PPP1CC: variants seen among roughly 807,000 people sequenced by gnomAD.
PPP1CC encodes the protein serine/threonine-protein phosphatase PP1-gamma catalytic subunit.
A neutral mutation model predicts 38.4 loss-of-function variants in PPP1CC; 16 were observed. The observed-to-expected ratio is 0.42, with a 90% confidence interval of 0.28 to 0.63. The LOEUF is 0.63. PPP1CC is among the 30% of genes least tolerant of loss of function. The pLI is 0.25. For missense variants in PPP1CC, 170 were observed against 391.3 expected (o/e 0.43, Z 4.77); for synonymous variants, 158 against 136.0 (o/e 1.16, Z -1.13).
At chr12:110,739,364 GT>G (rs1248254497) in intron 1 of PPP1CC, among the ~76,000 whole-genome samples, 16 of 141,872 alleles carry the variant, frequency 1.1e-4, no homozygotes, top group Admixed American at 3.5e-4. Context: ...GATTACTTTT[GT>G]TTTTTTTTTT....
In PPP1CC at chr12:110,722,116, T is replaced by C. The variant is rs915011337; in HGVS notation, c.882+19A>G. 4 of 1,612,806 alleles carry C rather than the reference T, an allele frequency of 2.5e-6. No individual in the cohort carries two copies. The highest frequency in any genetic ancestry group is 3.4e-6 in the Non-Finnish European group (4 of 1,179,430). ...GTGTAAACATATTAAAAGGAAATCA[T>C]GTTGAAAGCATGCTCTACCTGAAAA... On this transcript the variant is annotated intron_variant, in intron 6 of 6. Coordinates refer to ENST00000335007, the MANE Select transcript of PPP1CC (RefSeq NM_002710.4). The surrounding 1 kb of genome is among the most constrained non-coding windows in gnomAD (Gnocchi z 5.4).
Position 110,742,814 on chromosome 12 carries a change from G to C in PPP1CC, c.-107C>G. On this transcript the variant is annotated 5_prime_UTR_variant, in exon 1 of 7. Coordinates refer to ENST00000335007, the MANE Select transcript of PPP1CC (RefSeq NM_002710.4). ...AGCAGAGGCGGTGGTGGCGGCGGTG[G>C]CAGCAGCCGCGGCGGGTCCCCCCCC... The C allele has an allele frequency of 1.1e-6, 1 of 940,004 alleles. No homozygotes were observed. The highest frequency in any genetic ancestry group is 1.4e-6 in the Non-Finnish European group (1 of 702,554). 58.2% of individuals were successfully genotyped at this position (940,004 alleles called of 1,614,324 possible).
At chr12:110,708,706 G>A in the PPP1CC span, among the ~76,000 whole-genome samples, 5 of 152,066 alleles carry the variant, frequency 3.3e-5, no homozygotes, top group South Asian at 2.1e-4. Flanking sequence ...AAAATTAGCC[G>A]GGCATGGTGG....
At chr12:110,740,261 G>GA (rs36126725) in intron 1 of PPP1CC, among the ~76,000 whole-genome samples, 10 of 151,388 alleles carry the variant, frequency 6.6e-5, no homozygotes, top group East Asian at 3.9e-4. Context: ...CTTATTTAGG[G>GA]AAAAAAAAGG....
chr12:110,735,341 G>C (rs1259231863), intron 1 of PPP1CC, among the ~76,000 whole-genome samples: 2 of 152,118 alleles, frequency 1.3e-5, no homozygotes, highest in Admixed American at 6.5e-5. Flanking sequence ...TCCTGTCAAC[G>C]ATCCTAGGAA....
In PPP1CC at chr12:110,730,521, G is replaced by C. The variant is rs778530669; in HGVS notation, c.418+8C>G. On this transcript the variant is annotated splice_region_variant and intron_variant, in intron 3 of 6. Transcript: ENST00000335007. ...ATAACTCTTCCTTAGATATAGAAAA[G>C]TACTTACATTCATCATAAAATCCAT... 6.4e-5 allele frequency: 100 copies of C among 1,571,372 alleles called. No homozygotes were observed. Among genetic ancestry groups the C allele is most frequent in the Non-Finnish European group, 7.7e-5 (89 of 1,148,590 alleles).
chr12:110,728,025 T>C (rs943066927), intron 3 of PPP1CC, among the ~76,000 whole-genome samples: 1 of 152,144 alleles, frequency 6.6e-6, no homozygotes, highest in African/African-American at 2.4e-5. Flanking sequence ...GTCACAAAAA[T>C]GAGGTCAACT....
At position 110,722,264 on chromosome 12, in the gene PPP1CC, A is replaced by C. The variant is rs1414220059; in HGVS notation, c.753T>G (p.Val251=). ...LDLICRAHQV[V]EDGYEFFAKR... is the part of the protein sequence containing the mutation. ...TTGCAAAAAATTCATATCCATCTTC[A>C]ACCACCTTGAAGAGAAAATTTTTTC... The change falls in exon 6 of 7, where the codon GTT becomes GTG. Residue 251 remains valine, a synonymous_variant. Transcript: ENST00000335007. This position sits in a 1 kb window ranked among gnomAD's most constrained non-coding sequence, Gnocchi z 5.4. The C allele has an allele frequency of 6.2e-7, 1 of 1,613,898 alleles. No homozygotes were observed. Among genetic ancestry groups the C allele is most frequent in the Non-Finnish European group, 8.5e-7 (1 of 1,179,938 alleles).
intron 1 of PPP1CC, 24 bp downstream of exon 1, chr12:110,742,629 T>C: frequency 7.0e-7 from 1 of 1,425,932 alleles, no homozygotes; most frequent in Non-Finnish European, 9.3e-7. Flanking sequence ...GCCTCCCCCT[T>C]CAGCCGCCCG....
At chr12:110,717,279 T>C (rs898370795), downstream of PPP1CC, among the ~76,000 whole-genome samples, 1 of 152,186 alleles carries the variant, frequency 6.6e-6, no homozygotes, top group Non-Finnish European at 1.5e-5. Context: ...TACATCTGAT[T>C]TGCAGGACTG....
chr12:110,723,790 T>G (rs992309992), intron 4 of PPP1CC, among the ~76,000 whole-genome samples: 2 of 152,058 alleles, frequency 1.3e-5, no homozygotes, highest in Admixed American at 1.3e-4. Context: ...GAATTACAGA[T>G]GCGAGCCACT....
intron 3 of PPP1CC, among the ~76,000 whole-genome samples, chr12:110,729,182 A>G (rs1386146723): frequency 7.5e-6 from 1 of 132,538 alleles, no homozygotes; most frequent in Non-Finnish European, 1.6e-5. Flanking sequence ...CTGAACTGAT[A>G]TTTTCAAAGC....
At chr12:110,724,925 G>A (rs2069779469) in intron 3 of PPP1CC, 161 bp from the exon 4 acceptor site, 1 of 425,440 alleles carries the variant, frequency 2.4e-6, no homozygotes, top group Admixed American at 3.8e-5. Context: ...CTTATTTTAA[G>A]GCTCTTTTAA....
chr12:110,738,716 A>G (rs549497344), intron 1 of PPP1CC, among the ~76,000 whole-genome samples: 29 of 152,312 alleles, frequency 1.9e-4, no homozygotes, highest in African/African-American at 7.0e-4. Context: ...CATCCCCCGC[A>G]AGCACAACGT....
At chr12:110,718,262 T>C (rs193290973), downstream of PPP1CC, among the ~76,000 whole-genome samples, 44 of 152,150 alleles carry the variant, frequency 2.9e-4, no homozygotes, top group Non-Finnish European at 5.3e-4. Context: ...GCAATTTCTA[T>C]GGGAGGGTAT....
chr12:110,737,477 CAAAAAAAA>C (rs71083137), intron 1 of PPP1CC, among the ~76,000 whole-genome samples: 10 of 42,500 alleles, frequency 2.4e-4, no homozygotes, highest in South Asian at 1.1e-3. Context: ...AAGAAAGACT[CAAAAAAAA>C]AAAAAAAAAA....
chr12:110,728,725 T>C (rs930085280), intron 3 of PPP1CC, among the ~76,000 whole-genome samples: 1 of 152,204 alleles, frequency 6.6e-6, no homozygotes, highest in Admixed American at 6.5e-5. Context: ...ACCTTTCATG[T>C]ACAAGTTCAA....
chr12:110,724,786 T>G, intron 3 of PPP1CC, 22 bp from the exon 4 acceptor site: 1 of 1,416,684 alleles, frequency 7.1e-7, no homozygotes, highest in Non-Finnish European at 1.0e-6. Flanking sequence ...AAGAGAGTAT[T>G]ACATTAAAAA....
the PPP1CC span, among the ~76,000 whole-genome samples, chr12:110,712,621 C>T: frequency 1.0e-5 from 1 of 95,562 alleles, no homozygotes; most frequent in African/African-American, 4.3e-5. Context: ...GCCTGGGCGA[C>T]AGAGAAACTG....
Sources: allele counts gnomAD v4.1 joint callset (sites outside exome capture counted in the v4.1 genomes callset), GRCh38; gene constraint gnomAD v4.1.1; non-coding constraint Gnocchi (gnomAD v3.1); transcripts MANE v1.5; gene names NCBI Gene and HGNC (gene_info 2026-07-23, HGNC 2026-07-21).